SKP2: variants seen among roughly 807,000 people sequenced by gnomAD.
SKP2 encodes the protein S-phase kinase-associated protein 2.
In SKP2, 16 loss-of-function variants were observed where a neutral mutation model predicts 51.8. That is an observed-to-expected ratio of 0.31 (90% confidence interval 0.21 to 0.47). SKP2 has a LOEUF of 0.47. Among genes scored for constraint, SKP2 ranks in the 20% least tolerant of loss-of-function variants. The pLI is 1.00. For synonymous variants in SKP2, 176 were observed against 198.6 expected (o/e 0.89, Z 0.96); for missense variants, 377 against 505.3 (o/e 0.75, Z 2.43).
chr5:36,156,551 G>A (rs188127787), intron 2 of SKP2, among the ~76,000 whole-genome samples: 1 of 152,282 alleles, frequency 6.6e-6, no homozygotes, highest in East Asian at 1.9e-4. Context: ...ATTGGCCCTT[G>A]GAGTGAGTGT....
downstream of SKP2, among the ~76,000 whole-genome samples, chr5:36,184,658 A>G (rs1745924774): frequency 1.3e-5 from 2 of 152,162 alleles, no homozygotes; most frequent in Admixed American, 6.5e-5. Context: ...GATCCAGTCT[A>G]TCATTGATGG....
At chr5:36,172,746 G>A (rs991261785) in intron 7 of SKP2, among the ~76,000 whole-genome samples, 4 of 152,112 alleles carry the variant, frequency 2.6e-5, no homozygotes, top group African/African-American at 9.7e-5. Context: ...ATAATTGCTA[G>A]GATCTCATGA....
At position 36,182,141 on chromosome 5, in the gene SKP2, T is replaced by A; in HGVS notation, c.*110T>A. ...ATTCTTGGTTTTCCCTTTGCCTTCA[T>A]TCTGCAAGTATACTAGGGAGCCATT... On this transcript the variant is annotated 3_prime_UTR_variant, in exon 10 of 10. Transcript: ENST00000274255. 6.7e-7 allele frequency: 1 copy of A among 1,484,184 alleles called. No homozygotes were observed. Among genetic ancestry groups the A allele is most frequent in the Non-Finnish European group, 8.9e-7 (1 of 1,117,974 alleles). The allele number at this position is 1,484,184 out of a possible 1,614,324, so 91.9% of individuals were successfully genotyped here. A position where few individuals can be genotyped will look rare whatever the true frequency, so the allele number is the denominator to read the frequency against.
At chr5:36,164,060 A>G (rs1203348224) in intron 3 of SKP2, among the ~76,000 whole-genome samples, 1 of 152,160 alleles carries the variant, frequency 6.6e-6, no homozygotes, top group Non-Finnish European at 1.5e-5. Context: ...ACAGAGGTGC[A>G]TGCAGACAGC....
chr5:36,161,396 T>C (rs899107556), intron 2 of SKP2, among the ~76,000 whole-genome samples: 2 of 152,102 alleles, frequency 1.3e-5, no homozygotes, highest in African/African-American at 2.4e-5. Flanking sequence ...CCTGTCCTTG[T>C]TGATGTCACG....
rs70973094 is a variant in SKP2, at chr5:36,190,683, C to CAAAAAA, written c.633-1920_633-1915dup. ...AATGATGAAAAACGTCAAACATATG[C>CAAAAAA]AAAAAAAAAAAAAAAAAAAAAAAGA... On this transcript the variant is annotated intron_variant, in intron 6 of 7. Coordinates refer to the SKP2 transcript ENST00000677886. Among the ~76,000 whole-genome samples, 660 of 81,060 alleles carry CAAAAAA rather than the reference C, an allele frequency of 8.1e-3. 19 individuals carry two copies. The highest frequency in any genetic ancestry group is 0.024 in the South Asian group (48 of 2,008). The allele number at this position is 81,060 out of a possible 152,430, so 53.2% of individuals were successfully genotyped here.
Position 36,163,653 on chromosome 5 carries a change from TG to T in SKP2, c.292del (p.Asp98ThrfsTer21). On this transcript the variant is annotated frameshift_variant, in exon 3 of 10. Coordinates refer to ENST00000274255, the MANE Select transcript of SKP2 (RefSeq NM_005983.4). LOFTEE classifies it high-confidence loss of function. ...TTGTTTTCCCTCCAAAGGTGTTTCA[TG>T]GGACTCCCTTCCGGATGAGCTGCTC... is the stretch of plus-strand genomic sequence containing the variant. The part of the protein sequence containing the change: ...LNRENFPGVS[W>X]DSLPDELLLG... 1 of 1,611,106 alleles carries T rather than the reference TG, an allele frequency of 6.2e-7. No homozygotes were observed. Among genetic ancestry groups the T allele is most frequent in the Non-Finnish European group, 8.5e-7 (1 of 1,177,228 alleles).
At chr5:36,178,379 A>T (rs1745698952) in intron 9 of SKP2, among the ~76,000 whole-genome samples, 1 of 152,150 alleles carries the variant, frequency 6.6e-6, no homozygotes, top group Non-Finnish European at 1.5e-5. Flanking sequence ...CTTCAGCTAC[A>T]CAGAGTTAAC....
At chr5:36,178,697 G>T (rs1745710427) in intron 9 of SKP2, among the ~76,000 whole-genome samples, 1 of 152,028 alleles carries the variant, frequency 6.6e-6, no homozygotes, top group Non-Finnish European at 1.5e-5. Flanking sequence ...TTCTTTGCCT[G>T]TGCAGCCCCC....
Position 36,177,235 on chromosome 5 carries a change from A to G in SKP2, c.1004A>G (p.Asn335Ser), listed in dbSNP as rs535592824. 24 of 1,612,472 alleles carry G rather than the reference A, an allele frequency of 1.5e-5. No homozygotes were observed. In the Middle Eastern group the frequency reaches 6.6e-4, roughly 44 times the overall value. The change falls in exon 9 of 10, where the codon AAC becomes AGC. Residue 335 changes from asparagine (N) to serine (S), a missense_variant. Physicochemically the swap from Asn to Ser is conservative, Grantham distance 46. Around this residue, in one of 2 missense-constraint regions of SKP2, gnomAD observed 262 missense variants for 389.8 expected, o/e 0.67. Coordinates refer to ENST00000274255, the MANE Select transcript of SKP2 (RefSeq NM_005983.4). The stretch of plus-strand genomic sequence containing the variant: ...TGCTTTCAGGAATTTTTCCAGCTCA[A>G]CTACCTCCAACACCTATCACTCAGT... ...NDCFQEFFQL[N>S]YLQHLSLSRC... is the part of the protein sequence containing the mutation.
downstream of SKP2, among the ~76,000 whole-genome samples, chr5:36,187,175 C>A (rs1343756860): frequency 2.6e-5 from 4 of 151,876 alleles, no homozygotes; most frequent in South Asian, 2.1e-4. Context: ...TTGATCTTTT[C>A]AAAAAAACCA....
intron 6 of SKP2, among the ~76,000 whole-genome samples, chr5:36,190,427 C>T (rs1043498403): frequency 4.7e-5 from 7 of 147,824 alleles, no homozygotes; most frequent in African/African-American, 1.8e-4. Flanking sequence ...CATTTGAATT[C>T]AAGTGACAAA....
intron 9 of SKP2, among the ~76,000 whole-genome samples, chr5:36,178,796 A>G (rs1478287509): frequency 6.6e-6 from 1 of 152,068 alleles, no homozygotes; most frequent in African/African-American, 2.4e-5. Flanking sequence ...CTGCAGAAAG[A>G]AAGAAGCTAA....
chr5:36,159,865 C>A (rs1046755526), intron 2 of SKP2, among the ~76,000 whole-genome samples: 1 of 152,160 alleles, frequency 6.6e-6, no homozygotes, highest in African/African-American at 2.4e-5. Flanking sequence ...AGGGCAGATA[C>A]GGGGTTTTGG....
At chr5:36,179,810 A>G (rs2112009442) in intron 9 of SKP2, among the ~76,000 whole-genome samples, 1 of 152,018 alleles carries the variant, frequency 6.6e-6, no homozygotes, top group African/African-American at 2.4e-5. Context: ...ACTTATTTCT[A>G]TTTGCTATCC....
intron 7 of SKP2, 22 bp downstream of exon 7, chr5:36,171,755 C>T (rs1311546359): frequency 6.2e-7 from 1 of 1,611,276 alleles, no homozygotes; most frequent in Non-Finnish European, 8.5e-7. Context: ...CAAGCCTGGA[C>T]CACTGAGGCC....
intron 6 of SKP2, among the ~76,000 whole-genome samples, chr5:36,191,923 G>GTAAC (rs1195315490): frequency 6.6e-6 from 1 of 151,840 alleles, no homozygotes; most frequent in Non-Finnish European, 1.5e-5. Context: ...AACTCAAAAC[G>GTAAC]TAACTGCTTT....
rs367854237 is a variant in SKP2 at position 36,163,706 on chromosome 5, C to G, written c.342C>G (p.Leu114=). 3 of 1,613,922 alleles carry G rather than the reference C, an allele frequency of 1.9e-6. No individual in the cohort carries two copies. Among genetic ancestry groups the G allele is most frequent in the Non-Finnish European group, 2.5e-6 (3 of 1,179,972 alleles). ...LLLGIFSCLC[L]PELLKVSGVC... is the part of the protein sequence containing the mutation. ...TGGGAATCTTTTCCTGTCTGTGCCT[C>G]CCTGAGCTGCTAAAGGTCTCTGGTG... The change falls in exon 3 of 10, where the codon CTC becomes CTG. Residue 114 remains leucine (L), a synonymous_variant. Coordinates refer to ENST00000274255, the MANE Select transcript of SKP2 (RefSeq NM_005983.4).
intron 7 of SKP2, among the ~76,000 whole-genome samples, chr5:36,175,948 TAAA>T (rs1008960771): frequency 6.7e-6 from 1 of 148,660 alleles, no homozygotes; most frequent in African/African-American, 2.5e-5. Flanking sequence ...CTGAATTCTT[TAAA>T]AAAAAAAGAA....
Sources: allele counts gnomAD v4.1 joint callset (sites outside exome capture counted in the v4.1 genomes callset), GRCh38; gene constraint gnomAD v4.1.1; regional missense constraint gnomAD v4.1.1; transcripts MANE v1.5; gene names NCBI Gene and HGNC (gene_info 2026-07-23, HGNC 2026-07-21).